SND1: variants seen among roughly 807,000 people sequenced by gnomAD.
The protein encoded by SND1 is staphylococcal nuclease domain-containing protein 1.
A neutral mutation model predicts 121.7 loss-of-function variants in SND1; 38 were observed. The ratio of observed to expected loss-of-function variants is 0.31; its 90% confidence interval spans 0.24 to 0.41. The LOEUF is 0.41. SND1 is among the 10% of genes least tolerant of loss of function. The pLI, the probability that SND1 is intolerant of heterozygous loss-of-function variation, is 1.00. For synonymous variants in SND1, 401 were observed against 447.4 expected (o/e 0.90, Z 1.31); for missense variants, 868 against 1,184.6 (o/e 0.73, Z 3.92).
At chr7:127,766,544 G>A (rs1411297528) in intron 10 of SND1, among the ~76,000 whole-genome samples, 1 of 152,082 alleles carries the variant, frequency 6.6e-6, no homozygotes, top group Non-Finnish European at 1.5e-5. Context: ...GGGAGGCCAA[G>A]GCGGGCGAAT....
intron 10 of SND1, among the ~76,000 whole-genome samples, chr7:127,762,230 A>G (rs537840490): frequency 6.6e-6 from 1 of 152,348 alleles, no homozygotes; most frequent in East Asian, 1.9e-4. Context: ...TAGGCCTACC[A>G]TAACAAAATA....
chr7:128,025,523 C>T (rs879673670), intron 16 of SND1, among the ~76,000 whole-genome samples: 1 of 152,194 alleles, frequency 6.6e-6, no homozygotes, highest in Non-Finnish European at 1.5e-5. Flanking sequence ...GCTATAACTA[C>T]CCCCTAAAGA....
intron 17 of SND1, 114 bp downstream of exon 17, chr7:128,074,804 G>A (rs1371073896): frequency 3.7e-6 from 4 of 1,081,776 alleles, no homozygotes; most frequent in African/African-American, 3.1e-5. Context: ...AGTAGCCCAG[G>A]AAGGTGTTGG....
At chr7:128,061,026 T>G (rs1378374089) in intron 16 of SND1, among the ~76,000 whole-genome samples, 1 of 152,154 alleles carries the variant, frequency 6.6e-6, no homozygotes, top group East Asian at 1.9e-4. Context: ...GCAGGGAGAA[T>G]GAGGCCACCC....
intron 14 of SND1, among the ~76,000 whole-genome samples, chr7:127,910,454 G>T (rs1056055786): frequency 4.0e-5 from 6 of 151,860 alleles, no homozygotes; most frequent in African/African-American, 1.5e-4. Context: ...CAAAAAAAAA[G>T]AGAGAATTAA....
chr7:127,781,399 T>TTC (rs1797718671), intron 10 of SND1, among the ~76,000 whole-genome samples: 1 of 152,116 alleles, frequency 6.6e-6, no homozygotes, highest in African/African-American at 2.4e-5. Context: ...TTCATTATAC[T>TTC]AATATATATA....
At chr7:127,680,442 G>A (rs976911472) in intron 1 of SND1, among the ~76,000 whole-genome samples, 3 of 152,078 alleles carry the variant, frequency 2.0e-5, no homozygotes, top group Non-Finnish European at 2.9e-5. Flanking sequence ...AGTCTCGACC[G>A]TAGAAAACGG....
rs574902210 is a variant in SND1, at chr7:127,821,024, T to C, written c.1242+13451T>C. Among the ~76,000 whole-genome samples the C allele has an allele frequency of 5.9e-5, 9 of 152,334 alleles. No individual in the cohort carries two copies. The South Asian group carries it at 1.9e-3, about 32-fold the overall frequency. ...TAAGTTTTTGCTTGATGGTTCCAGT[T>C]TATTGTTGGCCTTGGATCCTCCCGA... is the stretch of plus-strand genomic sequence containing the variant. On this transcript the variant is annotated intron_variant, in intron 11 of 23. Coordinates refer to ENST00000354725, the MANE Select transcript of SND1 (RefSeq NM_014390.4).
At chr7:127,654,153 A>G (rs981325888) in intron 1 of SND1, among the ~76,000 whole-genome samples, 5 of 152,228 alleles carry the variant, frequency 3.3e-5, no homozygotes, top group African/African-American at 4.8e-5. Flanking sequence ...GTTTCCGCCA[A>G]TGCTGGAGGC....
At chr7:127,714,815 A>T (rs555386513) in intron 9 of SND1, among the ~76,000 whole-genome samples, 16 of 152,338 alleles carry the variant, frequency 1.1e-4, no homozygotes, top group Admixed American at 2.6e-4. Context: ...TTGTTGGATG[A>T]GTCAGAATTT....
chr7:127,907,664 A>AT (rs1800367174), intron 14 of SND1, among the ~76,000 whole-genome samples: 1 of 152,156 alleles, frequency 6.6e-6, no homozygotes, highest in South Asian at 2.1e-4. Flanking sequence ...GGTGAGGAAA[A>AT]AGACATGCTT....
intron 12 of SND1, among the ~76,000 whole-genome samples, chr7:127,846,256 T>G (rs1286677712): frequency 3.3e-5 from 5 of 152,206 alleles, no homozygotes; most frequent in Non-Finnish European, 7.4e-5. Context: ...ATTCTTTTTT[T>G]TGTGATTTAC....
intron 12 of SND1, among the ~76,000 whole-genome samples, chr7:127,874,894 A>G (rs1226873532): frequency 6.6e-6 from 1 of 152,182 alleles, no homozygotes; most frequent in Non-Finnish European, 1.5e-5. Context: ...TACATTTTTA[A>G]TGTATTAAGG....
chr7:127,882,645 A>T (rs1418299397), intron 12 of SND1, among the ~76,000 whole-genome samples: 2 of 145,896 alleles, frequency 1.4e-5, no homozygotes, highest in African/African-American at 2.5e-5. Context: ...GAGAAAGTGG[A>T]ATTAGCCTAG....
intron 9 of SND1, among the ~76,000 whole-genome samples, chr7:127,708,405 TCCTCCCTTCCTGCCTTCCTC>T (rs1164605986): frequency 1.5e-5 from 1 of 67,332 alleles, no homozygotes; most frequent in Non-Finnish European, 3.2e-5. Flanking sequence ...CTTCCTCCCT[TCCTCCCTTCCTGCCTTCCTC>T]CCTTCCTCCC....
chr7:127,899,549 C>T (rs542969345), intron 13 of SND1, among the ~76,000 whole-genome samples: 20 of 152,208 alleles, frequency 1.3e-4, no homozygotes, highest in South Asian at 1.2e-3. Flanking sequence ...ATGTGGAAAT[C>T]ATGTGGATAT....
At chr7:127,733,287 C>T (rs541147082) in intron 10 of SND1, among the ~76,000 whole-genome samples, 7 of 152,234 alleles carry the variant, frequency 4.6e-5, no homozygotes, top group African/African-American at 9.6e-5. Context: ...AAGTCCCTCA[C>T]GGTATTTGAG....
chr7:128,043,208 C>T (rs980541092), intron 16 of SND1, among the ~76,000 whole-genome samples: 2 of 152,164 alleles, frequency 1.3e-5, no homozygotes, highest in African/African-American at 4.8e-5. Flanking sequence ...TCTCTCCCCT[C>T]TCATATTTCA....
At chr7:128,001,425 A>G (rs1029186376) in intron 16 of SND1, among the ~76,000 whole-genome samples, 2 of 152,234 alleles carry the variant, frequency 1.3e-5, no homozygotes, top group African/African-American at 4.8e-5. Context: ...ACCGAGGGCA[A>G]TCTCAGTGCC....
Sources: gnomAD v4.1 joint callset for allele counts (sites outside exome capture counted in the v4.1 genomes callset) on GRCh38, gnomAD v4.1.1 for gene constraint, MANE v1.5 for transcripts, NCBI Gene and HGNC (gene_info 2026-07-23, HGNC 2026-07-21) for gene names.